The following FOXP1 variants were observed in gnomAD, a reference collection of about 807,000 sequenced individuals.
FOXP1 encodes the protein forkhead box protein P1.
Under a neutral mutation model 98.2 loss-of-function variants are expected in FOXP1, and 15 were observed. That is an observed-to-expected ratio of 0.15 (90% CI 0.10 to 0.24). The LOEUF (loss-of-function observed/expected upper bound fraction) is 0.24, where lower values mean the gene tolerates loss of function less well. Ranked by LOEUF, FOXP1 falls within the 10% of genes least tolerant of loss-of-function variation. The probability of loss-of-function intolerance (pLI) is 1.00; values close to 1 mark genes in which losing one functional copy is unlikely to be tolerated. For missense variants in FOXP1, 633 were observed against 848.5 expected, an observed-to-expected ratio of 0.75 and a Z score of 3.15; for synonymous variants, 371 against 314.5, an observed-to-expected ratio of 1.18 and a Z score of -1.90.
At chr3:71,000,356 G>A (rs2041958412) in intron 13 of FOXP1, among the ~76,000 whole-genome samples, 1 of 151,786 alleles carries the variant, frequency 6.6e-6, no homozygotes, top group Non-Finnish European at 1.5e-5. Flanking sequence ...ATGTGCATGT[G>A]TGTTTAAGAT....
chr3:71,015,200 A>G (rs1178714483), intron 12 of FOXP1, among the ~76,000 whole-genome samples: 1 of 152,152 alleles, frequency 6.6e-6, no homozygotes, highest in Non-Finnish European at 1.5e-5. Context: ...ATTATAGTGT[A>G]TATGTCATTG....
At chr3:71,581,346 GAA>G (rs2048151086) in intron 2 of FOXP1, 1 of 985,312 alleles carries the variant, frequency 1.0e-6, no homozygotes, top group Admixed American at 6.1e-5. Context: ...ATTTAGGAAA[GAA>G]AGAGGGGAAA....
intron 3 of FOXP1, among the ~76,000 whole-genome samples, chr3:71,469,965 A>T (rs1429605403): frequency 6.6e-6 from 1 of 151,886 alleles, no homozygotes; most frequent in Non-Finnish European, 1.5e-5. Context: ...TAATCTATGA[A>T]CTCTAAAAAC....
intron 4 of FOXP1, among the ~76,000 whole-genome samples, chr3:71,342,362 A>G (rs2107786105): frequency 1.3e-5 from 2 of 152,296 alleles, no homozygotes; most frequent in South Asian, 4.1e-4. Context: ...CAAAGCAGTG[A>G]AAAATCTGGA....
At chr3:71,555,535 A>C (rs2046063094) in intron 2 of FOXP1, among the ~76,000 whole-genome samples, 1 of 152,226 alleles carries the variant, frequency 6.6e-6, no homozygotes, top group Non-Finnish European at 1.5e-5. Context: ...AGATAAACTG[A>C]CATAAATAGT....
At chr3:70,965,737 A>C (rs2107006987) in intron 20 of FOXP1, among the ~76,000 whole-genome samples, 153 bp downstream of exon 20, 1 of 152,344 alleles carries the variant, frequency 6.6e-6, no homozygotes, top group Non-Finnish European at 1.5e-5. Flanking sequence ...AACCAAGCTG[A>C]ACATTTCTTG....
intron 19 of FOXP1, chr3:70,970,282 C>T (rs1330625973): frequency 5.2e-6 from 1 of 191,682 alleles, no homozygotes; most frequent in Non-Finnish European, 1.1e-5. Context: ...CTCCCCACCC[C>T]AGACAAAAGC....
At chr3:71,583,776 G>C (rs1254689083), upstream of FOXP1, 1 of 986,592 alleles carries the variant, frequency 1.0e-6, no homozygotes, top group African/African-American at 1.7e-5. Flanking sequence ...CTCCGCTCCG[G>C]ACTAGCTTCC....
chr3:71,479,470 G>T (rs1014806916), intron 3 of FOXP1, among the ~76,000 whole-genome samples: 2 of 151,986 alleles, frequency 1.3e-5, no homozygotes, highest in Non-Finnish European at 2.9e-5. Context: ...CCTGAGGTCA[G>T]GAGTTCAAGA....
chr3:71,104,196 A>G (rs1354791779), intron 7 of FOXP1, among the ~76,000 whole-genome samples: 1 of 152,216 alleles, frequency 6.6e-6, no homozygotes, highest in East Asian at 1.9e-4. Context: ...AAAGTCACTC[A>G]AGACTAAAAT....
At chr3:71,267,124 A>AGAGTGTGT (rs142661368) in intron 5 of FOXP1, among the ~76,000 whole-genome samples, 19,934 of 148,174 alleles carry the variant, frequency 0.13, 1,411 homozygotes, top group Admixed American at 0.14. Context: ...TATGGGAGAG[A>AGAGTGTGT]GTGTGTGTGT....
At position 70,977,891 on chromosome 3, in the gene FOXP1, T is replaced by C. The variant is rs1186591083; in HGVS notation, c.1285A>G (p.Met429Val). 1 of 1,614,154 alleles carries C rather than the reference T, an allele frequency of 6.2e-7. No homozygotes were observed. Among genetic ancestry groups the C allele is most frequent in the Non-Finnish European group, 8.5e-7 (1 of 1,180,016 alleles). The change falls in exon 15 of 21, where the codon ATG becomes GTG. Residue 429 changes from methionine to valine, a missense_variant. Physicochemically the swap from Met to Val is conservative, Grantham distance 21. Coordinates refer to ENST00000649528, the MANE Select transcript of FOXP1 (RefSeq NM_001349338.3). ...QGPSVITTTS[M>V]HTVGPIRRRY... ...CTGCGGATGGGTCCCACCGTGTGCATGCTGGTGGTTGTGATGACAGAGGGG... is the reference window on the plus strand; with the variant it reads ...CTGCGGATGGGTCCCACCGTGTGCACGCTGGTGGTTGTGATGACAGAGGGG...
At chr3:71,209,746 TATC>T (rs1469312779) in intron 5 of FOXP1, among the ~76,000 whole-genome samples, 1 of 152,216 alleles carries the variant, frequency 6.6e-6, no homozygotes, top group African/African-American at 2.4e-5. Flanking sequence ...ACAAGAAAGT[TATC>T]ATGCCTTATC....
At chr3:71,300,613 A>G (rs149145021) in intron 4 of FOXP1, among the ~76,000 whole-genome samples, 9 of 152,328 alleles carry the variant, frequency 5.9e-5, no homozygotes, top group Non-Finnish European at 1.2e-4. Flanking sequence ...ATCCTTTAAG[A>G]AACATTACAA....
intron 9 of FOXP1, 140 bp downstream of exon 9, chr3:71,052,397 A>G (rs2050018973): frequency 1.4e-6 from 1 of 709,106 alleles, no homozygotes; most frequent in Admixed American, 2.1e-5. Context: ...AAAACAGGAC[A>G]ATAATTCTCA....
intron 3 of FOXP1, among the ~76,000 whole-genome samples, chr3:71,459,508 C>CT (rs2087814974): frequency 6.6e-6 from 1 of 152,194 alleles, no homozygotes; most frequent in Non-Finnish European, 1.5e-5. Flanking sequence ...CCTAACGCAG[C>CT]TTTTTTTCTA....
intron 6 of FOXP1, among the ~76,000 whole-genome samples, chr3:71,182,494 C>T (rs1394299345): frequency 1.4e-5 from 2 of 143,196 alleles, no homozygotes; most frequent in Non-Finnish European, 3.0e-5. Context: ...AAAGTGTAAA[C>T]TATATATATG....
intron 17 of FOXP1, among the ~76,000 whole-genome samples, chr3:70,972,879 T>G (rs2036566568): frequency 1.3e-5 from 2 of 152,128 alleles, no homozygotes; most frequent in Admixed American, 1.3e-4. Context: ...AATCGTACTT[T>G]GGCATTTTCG....
chr3:71,227,753 A>G (rs1163653832), intron 5 of FOXP1, among the ~76,000 whole-genome samples: 1 of 151,696 alleles, frequency 6.6e-6, no homozygotes. Context: ...AAAAACAGTC[A>G]AAGGAGTATA....
Sources: gnomAD v4.1 joint callset for allele counts (sites outside exome capture counted in the v4.1 genomes callset) on GRCh38, gnomAD v4.1.1 for gene constraint, MANE v1.5 for transcripts, NCBI Gene and HGNC (gene_info 2026-07-23, HGNC 2026-07-21) for gene names.